The following FBN3 variants were observed in gnomAD, a reference collection of about 807,000 sequenced individuals.
The protein encoded by FBN3 is fibrillin 3.
A neutral mutation model predicts 330.1 loss-of-function variants in FBN3; 234 were observed. The ratio of observed to expected loss-of-function variants is 0.71; its 90% CI spans 0.64 to 0.79. The LOEUF (loss-of-function observed/expected upper bound fraction) is 0.79. Ranked by LOEUF, FBN3 falls within the 30% of genes least tolerant of loss-of-function variation. The pLI, the probability that FBN3 is intolerant of heterozygous loss-of-function variation, is 0.00. For synonymous variants in FBN3, 1,458 were observed against 1,517.3 expected (o/e 0.96, Z 0.91); for missense variants, 3,606 against 3,886.9 (o/e 0.93, Z 1.92).
intron 18 of FBN3, 40 bp downstream of exon 18, chr19:8,128,988 A>G (rs762661599): frequency 4.4e-6 from 7 of 1,587,736 alleles, no homozygotes; most frequent in Admixed American, 1.7e-5. Flanking sequence ...GTTGGAGCAT[A>G]TGTGTGTGTG....
chr19:8,122,296 G>A (rs888386172), intron 24 of FBN3, among the ~76,000 whole-genome samples: 2 of 152,194 alleles, frequency 1.3e-5, no homozygotes, highest in Non-Finnish European at 2.9e-5. Flanking sequence ...GATCACAGGC[G>A]TGAGCCACCA....
chr19:8,085,915 G>C (rs2081933282), intron 55 of FBN3, among the ~76,000 whole-genome samples: 1 of 151,398 alleles, frequency 6.6e-6, no homozygotes, highest in South Asian at 2.1e-4. Context: ...GCAACCCCCT[G>C]GGTTGCCCGT....
In FBN3 at chr19:8,129,397, C is replaced by G. The variant is rs749995517; in HGVS notation, c.2045-32G>C. On this transcript the variant is annotated intron_variant, in intron 16 of 63. Coordinates refer to ENST00000600128, the MANE Select transcript of FBN3 (RefSeq NM_032447.5). The surrounding 1 kb of genome is among the most constrained non-coding windows in gnomAD (Gnocchi z 4.5). ...CAGGAGGAGGGTGTGTCAGCAGCAG[C>G]AGAAGGAGGGTGTGTCCGAGGCAGG... 1.2e-6 allele frequency: 2 copies of G among 1,610,780 alleles called. No individual in the cohort carries two copies. Among genetic ancestry groups the G allele is most frequent in the Non-Finnish European group, 1.7e-6 (2 of 1,178,382 alleles).
chr19:8,083,903 C>A (rs868531013), intron 56 of FBN3, among the ~76,000 whole-genome samples: 5 of 151,256 alleles, frequency 3.3e-5, no homozygotes, highest in African/African-American at 1.2e-4. Flanking sequence ...CCCGGGTTCA[C>A]GCCATTCTCC....
chr19:8,136,612 C>A, intron 10 of FBN3, 81 bp from the exon 11 acceptor site: 1 of 1,566,066 alleles, frequency 6.4e-7, no homozygotes, highest in Non-Finnish European at 8.7e-7. Context: ...CTCTCTAGGC[C>A]CAGATACCCC....
chr19:8,109,647 G>T lies in FBN3; in HGVS notation c.4440C>A (p.Ser1480Arg), dbSNP rs373066640. Residue 1480 changes from serine (S) to arginine (R), a missense_variant, in exon 35 of 64, where the codon AGC becomes AGA. By Grantham distance (110) the Ser-to-Arg change is moderately radical (BLOSUM62 -1). Coordinates refer to ENST00000600128, the MANE Select transcript of FBN3 (RefSeq NM_032447.5). The surrounding 1 kb of genome is among the most constrained non-coding windows in gnomAD (Gnocchi z 5.2). ...TGGACTCACCCACGCAGCCCACTCC[G>T]CTGGGGTTCAGCTCAAAATCCTGGG... ...SCPQDFELNPSGVGCVDTRAG... is the reference protein window; with the variant it reads ...SCPQDFELNPRGVGCVDTRAG... 6.3e-7 allele frequency: 1 copy of T among 1,592,298 alleles called. No homozygotes were observed. Among genetic ancestry groups the T allele is most frequent in the Non-Finnish European group, 8.6e-7 (1 of 1,169,218 alleles).
chr19:8,143,599 T>C (rs930134309), intron 6 of FBN3, among the ~76,000 whole-genome samples: 2 of 150,032 alleles, frequency 1.3e-5, no homozygotes, highest in Admixed American at 1.3e-4. Context: ...AAAATTCTCA[T>C]GCCTCAGCCT....
chr19:8,111,780 A>G lies in FBN3; in HGVS notation c.3962-10T>C. On this transcript the variant is annotated splice_polypyrimidine_tract_variant and intron_variant, in intron 31 of 63. Transcript: ENST00000600128. ...ACGCATTCATCCAGGTCTGCAGGAG[A>G]TGGAGCCCAGACCCCCCACCCCATG... The G allele has an allele frequency of 5.0e-6, 8 of 1,611,212 alleles. No individual in the cohort carries two copies. The highest frequency in any genetic ancestry group is 6.8e-6 in the Non-Finnish European group (8 of 1,178,220).
rs772030031 is a variant in FBN3 at position 8,103,594 on chromosome 19, T to A, written c.4907A>T (p.Tyr1636Phe). 1 of 1,613,688 alleles carries A rather than the reference T, an allele frequency of 6.2e-7. No homozygotes were observed. Among genetic ancestry groups the A allele is most frequent in the Admixed American group, 1.7e-5 (1 of 59,984 alleles). The change falls in exon 39 of 64, where the codon TAC (tyrosine) becomes TTC (phenylalanine). Residue 1636 changes from tyrosine (Y) to phenylalanine (F), a missense_variant. Transcript: ENST00000600128. ...GTTGTTGCCACCATTGACTTGGAGGTACTCTGCAGGGCAGACACAGGTGTA... is the reference window on the plus strand; with the variant it reads ...GTTGTTGCCACCATTGACTTGGAGGAACTCTGCAGGGCAGACACAGGTGTA... Reference protein sequence around the residue: ...GNYTCVCPAEYLQVNGGNNCM... With the variant: ...GNYTCVCPAEFLQVNGGNNCM...
chr19:8,073,025 G>A (rs1256264564), intron 62 of FBN3, 38 bp downstream of exon 62: 11 of 1,328,248 alleles, frequency 8.3e-6, no homozygotes, highest in South Asian at 5.0e-5. Context: ...GGACGCTTGC[G>A]GGGCATGGAG....
intron 47 of FBN3, among the ~76,000 whole-genome samples, chr19:8,093,731 G>C (rs2082149667): frequency 6.6e-6 from 1 of 152,220 alleles, no homozygotes; most frequent in Admixed American, 6.5e-5. Context: ...CGGTTGCAGT[G>C]AGCTGAGAGT....
At chr19:8,134,869 G>A (rs2083242033) in intron 13 of FBN3, among the ~76,000 whole-genome samples, 1 of 151,532 alleles carries the variant, frequency 6.6e-6, no homozygotes, top group African/African-American at 2.4e-5. Flanking sequence ...GGGCAGCAGA[G>A]GTTGCAGTGA....
chr19:8,086,536 A>G (rs1300218756), intron 54 of FBN3, among the ~76,000 whole-genome samples: 1 of 149,328 alleles, frequency 6.7e-6, no homozygotes, highest in East Asian at 2.0e-4. Context: ...GGGTCACTAC[A>G]ACGTCCACCT....
Position 8,111,774 on chromosome 19 carries a change from CAGG to C in FBN3, c.3962-7_3962-5del, listed in dbSNP as rs746806066. ...TGGGAGACGCATTCATCCAGGTCTG[CAGG>C]AGATGGAGCCCAGACCCCCCACCCC... On this transcript the variant is annotated splice_polypyrimidine_tract_variant and splice_region_variant and intron_variant, in intron 31 of 63. Coordinates refer to ENST00000600128, the MANE Select transcript of FBN3 (RefSeq NM_032447.5). 21 of 1,611,958 alleles carry C rather than the reference CAGG, an allele frequency of 1.3e-5. No homozygotes were observed. The highest frequency in any genetic ancestry group is 1.8e-5 in the Non-Finnish European group (21 of 1,178,674).
chr19:8,066,110 G>A lies in FBN3; in HGVS notation c.8239C>T (p.Gln2747Ter). Residue 2747 changes from glutamine (Q) to a stop codon, truncating the protein, a stop_gained, in exon 64 of 64, where the codon CAA becomes TAA. Transcript: ENST00000600128. LOFTEE classifies it low-confidence loss of function (END_TRUNC). ...IRYVIVRGNE[Q>*]GFFRMHHLRG... ...AGGTGATGCATGCGAAAGAAACCTTGCTCGTTTCCGCGGACGATGACGTAG... is the reference window on the plus strand; with the variant it reads ...AGGTGATGCATGCGAAAGAAACCTTACTCGTTTCCGCGGACGATGACGTAG... The A allele has an allele frequency of 6.2e-7, 1 of 1,613,534 alleles. No individual in the cohort carries two copies. Among genetic ancestry groups the A allele is most frequent in the Non-Finnish European group, 8.5e-7 (1 of 1,179,962 alleles).
chr19:8,103,359 CT>C (rs903465821), intron 39 of FBN3, among the ~76,000 whole-genome samples: 1 of 151,824 alleles, frequency 6.6e-6, no homozygotes, highest in Middle Eastern at 3.2e-3. Flanking sequence ...TTTTTTCAGC[CT>C]TTTTTGAGCA....
chr19:8,120,693 C>T (rs1301938825), intron 25 of FBN3, among the ~76,000 whole-genome samples: 4 of 152,024 alleles, frequency 2.6e-5, no homozygotes, highest in African/African-American at 9.7e-5. Flanking sequence ...CCCAGGCTGG[C>T]CTCGAACTCC....
At chr19:8,130,788 C>T (rs948300651) in intron 16 of FBN3, among the ~76,000 whole-genome samples, 10 of 150,744 alleles carry the variant, frequency 6.6e-5, no homozygotes, top group Admixed American at 1.3e-4. Flanking sequence ...CCCAAGAGGT[C>T]GAGTTTGCAG....
At position 8,065,661 on chromosome 19, in the gene FBN3, A is replaced by G; in HGVS notation, c.*258T>C. 2.0e-6 allele frequency: 1 copy of G among 498,912 alleles called. No individual in the cohort carries two copies. The highest frequency in any genetic ancestry group is 3.2e-5 in the East Asian group (1 of 31,142). The allele number at this position is 498,912 out of a possible 1,614,324, so 30.9% of individuals were successfully genotyped here. A position where few individuals can be genotyped will look rare whatever the true frequency, so the allele number is the denominator to read the frequency against. ...ACGGTGACCACAGGGCCTCTTCCTG[A>G]CCTTGGCTGTGGGGGCAGGGGGATT... On this transcript the variant is annotated 3_prime_UTR_variant, in exon 64 of 64. Coordinates refer to ENST00000600128, the MANE Select transcript of FBN3 (RefSeq NM_032447.5).
Sources: allele counts gnomAD v4.1 joint callset (sites outside exome capture counted in the v4.1 genomes callset), GRCh38; gene constraint gnomAD v4.1.1; non-coding constraint Gnocchi (gnomAD v3.1); transcripts MANE v1.5; gene names NCBI Gene and HGNC (gene_info 2026-07-23, HGNC 2026-07-21).